CRIM1: variants seen among roughly 807,000 people sequenced by gnomAD.
The protein encoded by CRIM1 is cysteine rich transmembrane BMP regulator 1.
CRIM1 carries 32 observed loss-of-function variants against 116.4 expected under a neutral mutation model. That is an observed-to-expected ratio of 0.27 (90% CI 0.21 to 0.37). The LOEUF (loss-of-function observed/expected upper bound fraction) is 0.37, where lower values mean the gene tolerates loss of function less well. Ranked by LOEUF, CRIM1 falls within the 10% of genes least tolerant of loss-of-function variation. CRIM1 has a pLI of 1.00. For missense variants in CRIM1, 1,331 were observed against 1,354.8 expected (o/e 0.98, Z 0.28); for synonymous variants, 590 against 509.2 (o/e 1.16, Z -2.13).
chr2:36,500,750 C>T (rs1357137058), intron 8 of CRIM1, among the ~76,000 whole-genome samples: 1 of 152,214 alleles, frequency 6.6e-6, no homozygotes, highest in Non-Finnish European at 1.5e-5. Flanking sequence ...TGATGCTGAA[C>T]ATAGCTGCTT....
At chr2:36,388,110 C>G (rs1210984935) in intron 1 of CRIM1, among the ~76,000 whole-genome samples, 1 of 152,030 alleles carries the variant, frequency 6.6e-6, no homozygotes, top group African/African-American at 2.4e-5. Context: ...ATTAAAAAAT[C>G]TTTTTATTAT....
chr2:36,512,449 A>C, intron 10 of CRIM1, 55 bp downstream of exon 10: 1 of 1,549,486 alleles, frequency 6.5e-7, no homozygotes, highest in Non-Finnish European at 8.8e-7. Flanking sequence ...CACCGAAACA[A>C]GGAACATAAG....
At chr2:36,417,620 G>A (rs1236249501) in intron 2 of CRIM1, among the ~76,000 whole-genome samples, 5 of 152,100 alleles carry the variant, frequency 3.3e-5, no homozygotes, top group Non-Finnish European at 7.4e-5. Context: ...GCATCTCTGA[G>A]ATCTTAAAAA....
At chr2:36,393,091 G>A (rs1572630496) in intron 1 of CRIM1, among the ~76,000 whole-genome samples, 1 of 152,198 alleles carries the variant, frequency 6.6e-6, no homozygotes, top group African/African-American at 2.4e-5. Flanking sequence ...GGGAGGCAGA[G>A]AAAAGCATCT....
At chr2:36,379,797 C>G (rs1217158881) in intron 1 of CRIM1, among the ~76,000 whole-genome samples, 1 of 112,016 alleles carries the variant, frequency 8.9e-6, no homozygotes, top group African/African-American at 3.5e-5. Flanking sequence ...TGAGATGAAT[C>G]TATATCAGGG....
At position 36,479,620 on chromosome 2, in the gene CRIM1, G is replaced by A; in HGVS notation, c.1298G>A (p.Cys433Tyr). 6.2e-7 allele frequency: 1 copy of A among 1,614,242 alleles called. No individual in the cohort carries two copies. Among genetic ancestry groups the A allele is most frequent in the Non-Finnish European group, 8.5e-7 (1 of 1,180,036 alleles). ...CAGTGCGTCAACGGTGAACGCCACT[G>A]CGTTGCGACCGTCTGCGGACAGACC... ...FCQCVNGERH[C>Y]VATVCGQTCT... The change falls in exon 7 of 17, where the codon TGC (cysteine) becomes TAC (tyrosine). Residue 433 changes from cysteine (C) to tyrosine (Y), a missense_variant. Transcript: ENST00000280527.
At chr2:36,411,843 G>A (rs569792674) in intron 2 of CRIM1, among the ~76,000 whole-genome samples, 92 of 152,182 alleles carry the variant, frequency 6.0e-4, no homozygotes, top group African/African-American at 2.0e-3. Flanking sequence ...TCTAAGAATC[G>A]ATGTAATATT....
intron 2 of CRIM1, among the ~76,000 whole-genome samples, chr2:36,426,416 G>A (rs1232605011): frequency 6.6e-6 from 1 of 152,128 alleles, no homozygotes; most frequent in African/African-American, 2.4e-5. Flanking sequence ...AAAATCCCTA[G>A]CATGTATCAA....
At chr2:36,435,654 G>C (rs1675256825) in intron 2 of CRIM1, among the ~76,000 whole-genome samples, 1 of 151,790 alleles carries the variant, frequency 6.6e-6, no homozygotes, top group Admixed American at 6.6e-5. Context: ...GGCAAAAACA[G>C]CGATTGCTTT....
chr2:36,533,789 C>T (rs1308027864), intron 13 of CRIM1, among the ~76,000 whole-genome samples: 1 of 152,152 alleles, frequency 6.6e-6, no homozygotes. Context: ...GGTTTTGATA[C>T]ATCAGTTGAA....
chr2:36,374,626 T>C (rs1047261911), intron 1 of CRIM1, among the ~76,000 whole-genome samples: 2 of 152,192 alleles, frequency 1.3e-5, no homozygotes, highest in African/African-American at 4.8e-5. Context: ...GCAGTGTTAC[T>C]CCTCATTTCC....
At chr2:36,521,988 G>C in intron 12 of CRIM1, 104 bp from the exon 13 acceptor site, 1 of 856,978 alleles carries the variant, frequency 1.2e-6, no homozygotes. Context: ...TATTTAAGGA[G>C]GCACCGAAAG....
chr2:36,533,677 T>C (rs1666273772), intron 13 of CRIM1, among the ~76,000 whole-genome samples: 1 of 152,228 alleles, frequency 6.6e-6, no homozygotes, highest in Non-Finnish European at 1.5e-5. Context: ...TATCATTTTA[T>C]AAATATTCTT....
At chr2:36,477,901 C>T (rs556145530) in intron 6 of CRIM1, among the ~76,000 whole-genome samples, 1 of 152,160 alleles carries the variant, frequency 6.6e-6, no homozygotes, top group Non-Finnish European at 1.5e-5. Flanking sequence ...AACCCCGTGC[C>T]TGACTGTGTC....
intron 4 of CRIM1, among the ~76,000 whole-genome samples, chr2:36,450,850 T>C (rs932197610): frequency 1.3e-5 from 2 of 152,250 alleles, no homozygotes; most frequent in African/African-American, 4.8e-5. Context: ...GGTGCTGTCT[T>C]GCATTATGAT....
intron 12 of CRIM1, among the ~76,000 whole-genome samples, chr2:36,520,361 A>C (rs768307315): frequency 5.9e-5 from 9 of 152,248 alleles, no homozygotes; most frequent in Non-Finnish European, 1.0e-4. Flanking sequence ...CAAAAACCTC[A>C]TGGAGATTTG....
At chr2:36,456,288 T>G (rs1677125407) in intron 4 of CRIM1, among the ~76,000 whole-genome samples, 1 of 152,224 alleles carries the variant, frequency 6.6e-6, no homozygotes, top group South Asian at 2.1e-4. Flanking sequence ...TAGTACCTGC[T>G]GCATGTACAC....
chr2:36,365,105 AG>A (rs1669501678), intron 1 of CRIM1, among the ~76,000 whole-genome samples: 1 of 152,110 alleles, frequency 6.6e-6, no homozygotes, highest in African/African-American at 2.4e-5. Flanking sequence ...TACCGAGAAC[AG>A]GGGGCTGGGA....
intron 4 of CRIM1, among the ~76,000 whole-genome samples, chr2:36,460,082 T>A (rs887726789): frequency 1.3e-5 from 2 of 152,140 alleles, no homozygotes; most frequent in African/African-American, 4.8e-5. Context: ...CCCACTGAGC[T>A]TGAATCCATT....
Sources: gnomAD v4.1 joint callset for allele counts (sites outside exome capture counted in the v4.1 genomes callset) on GRCh38, gnomAD v4.1.1 for gene constraint, MANE v1.5 for transcripts, NCBI Gene and HGNC (gene_info 2026-07-23, HGNC 2026-07-21) for gene names.